The following AKT3 variants were observed in gnomAD, a reference collection of about 807,000 sequenced individuals.
AKT3 encodes AKT serine/threonine kinase 3.
AKT3 carries 15 observed loss-of-function variants against 65.3 expected under a neutral mutation model. The ratio of observed to expected loss-of-function variants is 0.23; its 90% CI spans 0.15 to 0.35. AKT3 has a LOEUF of 0.35. Ranked by LOEUF, AKT3 falls within the 10% of genes least tolerant of loss-of-function variation. The probability of loss-of-function intolerance (pLI) is 1.00; values close to 1 mark genes in which losing one functional copy is unlikely to be tolerated. For missense variants in AKT3, 243 were observed against 576.5 expected (o/e 0.42, Z 5.92); for synonymous variants, 206 against 183.8 (o/e 1.12, Z -0.98).
chr1:243,498,531 G>T (rs190340404), downstream of AKT3, among the ~76,000 whole-genome samples: 23 of 152,124 alleles, frequency 1.5e-4, no homozygotes, highest in African/African-American at 5.3e-4. Context: ...TAACTACCCT[G>T]CTGAGACCAC....
chr1:243,641,256 G>GTATATA (rs1401958439), intron 5 of AKT3, among the ~76,000 whole-genome samples: 3 of 76,882 alleles, frequency 3.9e-5, no homozygotes, highest in Non-Finnish European at 8.7e-5. Context: ...ATATGTGTGT[G>GTATATA]TGTATATATA....
intron 9 of AKT3, among the ~76,000 whole-genome samples, chr1:243,566,597 T>C (rs995772485): frequency 1.3e-5 from 2 of 152,174 alleles, no homozygotes; most frequent in Non-Finnish European, 2.9e-5. Context: ...GATAAGACTA[T>C]GGGTTCAAGT....
rs1025317747 is a variant in AKT3 at position 243,582,016 on chromosome 1, T to C, written c.697-8968A>G. Among the ~76,000 whole-genome samples, 25 of 152,000 alleles carry C rather than the reference T, an allele frequency of 1.6e-4. 1 individual carries two copies. The highest frequency in any genetic ancestry group is 6.0e-4 in the African/African-American group (25 of 41,456). ...TTGCAGAGCCTGAAGACCAGTATTT[T>C]AAACTAATCCAGTCAGACAAAAATA... On this transcript the variant is annotated intron_variant, in intron 8 of 13. Transcript: ENST00000673466.
chr1:243,838,775 G>A (rs1332502663), intron 2 of AKT3, among the ~76,000 whole-genome samples: 2 of 152,002 alleles, frequency 1.3e-5, no homozygotes, highest in South Asian at 4.1e-4. Flanking sequence ...CCATTTCATG[G>A]AATATAAGAA....
chr1:243,772,807 A>G (rs1173633354), intron 2 of AKT3, among the ~76,000 whole-genome samples: 1 of 152,182 alleles, frequency 6.6e-6, no homozygotes, highest in Non-Finnish European at 1.5e-5. Context: ...ACAATGACAG[A>G]CTGGATTAAG....
intron 1 of AKT3, among the ~76,000 whole-genome samples, chr1:243,847,015 T>C (rs1695548407): frequency 6.6e-6 from 1 of 152,170 alleles, no homozygotes; most frequent in African/African-American, 2.4e-5. Context: ...CTATCCCATG[T>C]AAAAGATCAG....
intron 2 of AKT3, among the ~76,000 whole-genome samples, chr1:243,796,905 A>G (rs1302535105): frequency 6.6e-6 from 1 of 152,216 alleles, no homozygotes; most frequent in Non-Finnish European, 1.5e-5. Context: ...ATCCACTTAC[A>G]TGAGGCACTA....
At chr1:243,642,595 C>A (rs1572085211) in intron 5 of AKT3, among the ~76,000 whole-genome samples, 4 of 152,344 alleles carry the variant, frequency 2.6e-5, no homozygotes, top group Middle Eastern at 3.4e-3. Flanking sequence ...AGGCGTGAGC[C>A]ACCACGCCCA....
chr1:243,496,836 C>T (rs905125701), downstream of AKT3, among the ~76,000 whole-genome samples: 1 of 152,200 alleles, frequency 6.6e-6, no homozygotes, highest in African/African-American at 2.4e-5. Flanking sequence ...AGAGATGACT[C>T]CGATAGGATT....
intron 2 of AKT3, among the ~76,000 whole-genome samples, chr1:243,769,763 T>A (rs1346929668): frequency 5.3e-5 from 8 of 152,226 alleles, no homozygotes; most frequent in Non-Finnish European, 1.2e-4. Flanking sequence ...AAATTGTTGT[T>A]TCCTGAAGAC....
intron 8 of AKT3, among the ~76,000 whole-genome samples, chr1:243,594,139 T>C (rs1400006486): frequency 6.6e-6 from 1 of 152,188 alleles, no homozygotes; most frequent in Non-Finnish European, 1.5e-5. Context: ...AAACCAACTA[T>C]ATTCTTATAT....
At chr1:243,663,257 C>A (rs1022295274) in intron 4 of AKT3, among the ~76,000 whole-genome samples, 1 of 152,138 alleles carries the variant, frequency 6.6e-6, no homozygotes, top group Non-Finnish European at 1.5e-5. Flanking sequence ...AGCAGGGGAA[C>A]CTGCCTAGTC....
chr1:243,583,988 A>C (rs972950798), intron 8 of AKT3, among the ~76,000 whole-genome samples: 1 of 152,146 alleles, frequency 6.6e-6, no homozygotes, highest in Non-Finnish European at 1.5e-5. Context: ...GAATGGAACG[A>C]AATTAAGACC....
chr1:243,592,039 A>C (rs1279365575), intron 8 of AKT3, among the ~76,000 whole-genome samples: 1 of 152,154 alleles, frequency 6.6e-6, no homozygotes, highest in Non-Finnish European at 1.5e-5. Flanking sequence ...ACAAGGCTTA[A>C]AACACCCTAA....
At chr1:243,654,382 TC>T (rs978427027) in intron 4 of AKT3, among the ~76,000 whole-genome samples, 2 of 152,232 alleles carry the variant, frequency 1.3e-5, no homozygotes, top group Non-Finnish European at 2.9e-5. Flanking sequence ...ATTTTGTTTT[TC>T]ATTCCATTCT....
At chr1:243,816,676 A>C (rs1407648227) in intron 2 of AKT3, among the ~76,000 whole-genome samples, 1 of 152,216 alleles carries the variant, frequency 6.6e-6, no homozygotes, top group African/African-American at 2.4e-5. Context: ...CGTAGAAAGA[A>C]ATAGTTTCTA....
chr1:243,664,995 T>C (rs1682667020), intron 3 of AKT3, 112 bp from the exon 4 acceptor site: 2 of 439,818 alleles, frequency 4.5e-6, no homozygotes, highest in African/African-American at 2.1e-5. Flanking sequence ...AACTCACAGC[T>C]TTCTATGGTT....
At chr1:243,841,117 C>T (rs942023814) in intron 2 of AKT3, among the ~76,000 whole-genome samples, 26 of 152,054 alleles carry the variant, frequency 1.7e-4, no homozygotes, top group African/African-American at 5.8e-4. Flanking sequence ...GAAACACATA[C>T]ACATACACAT....
At chr1:243,721,053 C>G (rs766321172) in intron 2 of AKT3, among the ~76,000 whole-genome samples, 10 of 152,088 alleles carry the variant, frequency 6.6e-5, no homozygotes, top group Non-Finnish European at 1.2e-4. Context: ...TCATTCTCCC[C>G]CAAAGCAAGT....
Sources: gnomAD v4.1 joint callset for allele counts (sites outside exome capture counted in the v4.1 genomes callset) on GRCh38, gnomAD v4.1.1 for gene constraint, MANE v1.5 for transcripts, NCBI Gene and HGNC (gene_info 2026-07-23, HGNC 2026-07-21) for gene names.